Variants in C4orf50 observed in about 807,000 individuals in gnomAD.
C4orf50 encodes the protein uncharacterized protein C4orf50.
Under a neutral mutation model 77.2 loss-of-function variants are expected in C4orf50, and 80 were observed. The ratio of observed to expected loss-of-function variants is 1.04; its 90% CI spans 0.87 to 1.25. The LOEUF is 1.25. C4orf50 is among the 50% of genes most tolerant of loss of function. The pLI is 0.00. For missense variants in C4orf50, 1,257 were observed against 1,152.9 expected, an observed-to-expected ratio of 1.09 and a Z score of -1.31; for synonymous variants, 532 against 465.3, an observed-to-expected ratio of 1.14 and a Z score of -1.84.
chr4:5,959,954 C>T (rs1719184548), intron 33 of C4orf50, among the ~76,000 whole-genome samples: 1 of 152,146 alleles, frequency 6.6e-6, no homozygotes, highest in African/African-American at 2.4e-5. Flanking sequence ...AAATTTTCTC[C>T]TTCCCGGTGA....
At chr4:5,969,178 T>C (rs573033488) in intron 31 of C4orf50, among the ~76,000 whole-genome samples, 201 of 152,224 alleles carry the variant, frequency 1.3e-3, no homozygotes, top group Middle Eastern at 3.4e-3. Context: ...AGACTTGTGC[T>C]ACACTCTCCC....
exon 28 of C4orf50, chr4:5,990,734 G>A (rs990731055): frequency 1.0e-5 from 4 of 399,118 alleles, no homozygotes; most frequent in Admixed American, 4.4e-5. Context: ...AGGTCCATGC[G>A]GAGGAGTGAC....
intron 28 of C4orf50, among the ~76,000 whole-genome samples, chr4:5,985,334 T>G (rs1720801977): frequency 6.6e-6 from 1 of 152,044 alleles, no homozygotes. Context: ...AATATATGAT[T>G]GTTTAAAATA....
chr4:5,978,949 G>A (rs568788562), intron 29 of C4orf50, among the ~76,000 whole-genome samples: 2 of 152,284 alleles, frequency 1.3e-5, no homozygotes, highest in East Asian at 3.9e-4. Context: ...AACATGCTTT[G>A]ATCTTACAAA....
Position 5,992,605 on chromosome 4 carries a change from C to T in C4orf50, c.1221+198G>A, listed in dbSNP as rs890101174. On this transcript the variant is annotated intron_variant, in intron 27 of 33. Transcript: ENST00000531445. This position sits in a 1 kb window ranked among gnomAD's most constrained non-coding sequence, Gnocchi z 5.0. ...CTGGCACCCAGTTAACCCCCTTCCT[C>T]CCCACCCCCCATCCAGGTCTCAGGA... 2.0e-5 allele frequency among the ~76,000 whole-genome samples: 3 copies of T among 152,068 alleles called. No individual in the cohort carries two copies. Among genetic ancestry groups the T allele is most frequent in the Non-Finnish European group, 2.9e-5 (2 of 67,994 alleles).
intron 28 of C4orf50, among the ~76,000 whole-genome samples, chr4:5,986,215 G>A (rs1720846379): frequency 6.6e-6 from 1 of 152,044 alleles, no homozygotes; most frequent in Non-Finnish European, 1.5e-5. Context: ...AGGGTATGTG[G>A]GATATACTGT....
chr4:5,993,108 G>C (rs1721385033), intron 26 of C4orf50, among the ~76,000 whole-genome samples, 178 bp from the exon 5 acceptor site: 2 of 151,512 alleles, frequency 1.3e-5, no homozygotes, highest in Non-Finnish European at 2.9e-5. Flanking sequence ...AGGAAGCTGA[G>C]GCTCAGAGAC....
intron 7 of C4orf50, among the ~76,000 whole-genome samples, chr4:5,931,196 C>G (rs1204140329): frequency 1.3e-5 from 2 of 152,148 alleles, no homozygotes; most frequent in Non-Finnish European, 2.9e-5. Flanking sequence ...CCTGCAGACT[C>G]AAAGTCCAGG....
intron 7 of C4orf50, among the ~76,000 whole-genome samples, chr4:5,933,898 T>G (rs1418431670): frequency 1.4e-5 from 2 of 147,384 alleles, no homozygotes; most frequent in Admixed American, 6.7e-5. Flanking sequence ...GGGAGAGGAG[T>G]GGGAGGAGGA....
At chr4:5,906,863 A>G (rs567290745) in intron 7 of C4orf50, among the ~76,000 whole-genome samples, 7 of 152,340 alleles carry the variant, frequency 4.6e-5, no homozygotes, top group African/African-American at 1.4e-4. Context: ...AATAAACCAG[A>G]TTTAAATCCT....
chr4:5,961,956 G>A (rs1719300017), intron 33 of C4orf50, among the ~76,000 whole-genome samples: 1 of 152,212 alleles, frequency 6.6e-6, no homozygotes, highest in Middle Eastern at 3.4e-3. Flanking sequence ...TAACAAGTTT[G>A]TTTTCAGCAT....
intron 7 of C4orf50, among the ~76,000 whole-genome samples, chr4:5,950,324 G>A (rs1284902931): frequency 6.6e-6 from 1 of 152,192 alleles, no homozygotes; most frequent in Non-Finnish European, 1.5e-5. Context: ...TATCGTGACT[G>A]TTTAAAAGAT....
intron 31 of C4orf50, among the ~76,000 whole-genome samples, chr4:5,969,996 G>C (rs369036979): frequency 6.6e-6 from 1 of 152,086 alleles, no homozygotes; most frequent in Non-Finnish European, 1.5e-5. Context: ...GGTGAGCCCC[G>C]GCAACCCTCT....
At chr4:5,954,254 G>C (rs747824746), downstream of C4orf50, among the ~76,000 whole-genome samples, 13 of 152,098 alleles carry the variant, frequency 8.5e-5, no homozygotes, top group South Asian at 2.1e-4. This position sits in a 1 kb window ranked among gnomAD's most constrained non-coding sequence, Gnocchi z 4.7. Flanking sequence ...CTGGGGGTGG[G>C]GTATTGATCT....
rs182705693 is a variant in C4orf50, at chr4:5,966,736, G to A, written c.4153+678C>T. Among the ~76,000 whole-genome samples the A allele has an allele frequency of 2.2e-4, 33 of 146,956 alleles. No homozygotes were observed. The East Asian group carries it at 5.4e-3, about 24-fold the overall frequency. On this transcript the variant is annotated intron_variant, in intron 32 of 33. Transcript: ENST00000531445. ...GTTATCTCGGTTCACTGCAACCTCC[G>A]TCTCCCAGGTTCCAGCCATTCTCCT...
chr4:6,002,091 T>G (rs907538254), intron 25 of C4orf50, among the ~76,000 whole-genome samples: 1 of 152,116 alleles, frequency 6.6e-6, no homozygotes, highest in African/African-American at 2.4e-5. Flanking sequence ...AAATAGTGTT[T>G]TTGCAGATGT....
chr4:5,930,660 TG>T (rs1036159378), intron 7 of C4orf50, among the ~76,000 whole-genome samples: 2 of 152,184 alleles, frequency 1.3e-5, no homozygotes, highest in Non-Finnish European at 2.9e-5. Context: ...CCGCCCGCCC[TG>T]GGTGGGTCTG....
intron 7 of C4orf50, among the ~76,000 whole-genome samples, chr4:5,944,267 C>T (rs946369749): frequency 2.6e-5 from 4 of 152,182 alleles, no homozygotes; most frequent in African/African-American, 9.7e-5. Context: ...ATTCCTCCCT[C>T]AGCCCCTCCA....
intron 7 of C4orf50, among the ~76,000 whole-genome samples, chr4:5,927,520 G>A (rs754218029): frequency 1.3e-5 from 2 of 151,962 alleles, no homozygotes; most frequent in Non-Finnish European, 2.9e-5. Flanking sequence ...GACCTAGTAG[G>A]AGGTGATTAG....
Sources: allele counts gnomAD v4.1 joint callset (sites outside exome capture counted in the v4.1 genomes callset), GRCh38; gene constraint gnomAD v4.1.1; non-coding constraint Gnocchi (gnomAD v3.1); transcripts MANE v1.5; gene names NCBI Gene and HGNC (gene_info 2026-07-23, HGNC 2026-07-21).